Variants in SLC7A14 observed in about 807,000 individuals in gnomAD.
SLC7A14 encodes solute carrier family 7 member 14.
A neutral mutation model predicts 60.2 loss-of-function variants in SLC7A14; 37 were observed. That is an observed-to-expected ratio of 0.61 (90% CI 0.47 to 0.81). The LOEUF (loss-of-function observed/expected upper bound fraction) is 0.81. Among genes scored for constraint, SLC7A14 ranks in the 30% least tolerant of loss-of-function variants. SLC7A14 has a pLI of 0.00. For synonymous variants in SLC7A14, 399 were observed against 395.8 expected, an observed-to-expected ratio of 1.01 and a Z score of -0.10; for missense variants, 886 against 982.7, an observed-to-expected ratio of 0.90 and a Z score of 1.32.
chr3:170,502,043 A>G (rs1712625101), intron 2 of SLC7A14, among the ~76,000 whole-genome samples: 1 of 152,258 alleles, frequency 6.6e-6, no homozygotes, highest in African/African-American at 2.4e-5. Flanking sequence ...GTAAAAATGT[A>G]TAACAATGAG....
At chr3:170,510,387 C>CAAAAAAAAAAAAAAAAA (rs200708263) in intron 2 of SLC7A14, among the ~76,000 whole-genome samples, 1 of 99,136 alleles carries the variant, frequency 1.0e-5, no homozygotes, top group African/African-American at 3.9e-5. Context: ...AAGACTCTGT[C>CAAAAAAAAAAAAAAAAA]AAAAAAAAAA....
chr3:170,583,477 G>T (rs1715291679), intron 1 of SLC7A14, among the ~76,000 whole-genome samples: 1 of 152,224 alleles, frequency 6.6e-6, no homozygotes, highest in African/African-American at 2.4e-5. Context: ...AAGCAGTATG[G>T]AAGAGTATTT....
chr3:170,526,274 C>A (rs953406748), intron 2 of SLC7A14, among the ~76,000 whole-genome samples: 3 of 151,214 alleles, frequency 2.0e-5, no homozygotes, highest in African/African-American at 4.9e-5. Flanking sequence ...TGGTGGCGGG[C>A]GCCTATAATC....
Position 170,483,399 on chromosome 3 carries a change from C to A in SLC7A14, c.1030G>T (p.Ala344Ser), listed in dbSNP as rs202144632. The stretch of plus-strand genomic sequence containing the variant: ...CCCAGCAAGCTGACTGTCAGTCCTG[C>A]AACCGACCCAATGGCCACTACGAAT... ...AKFVVAIGSV[A>S]GLTVSLLGSL... The change falls in exon 6 of 8, where the codon GCA becomes TCA. Residue 344 changes from alanine to serine, a missense_variant. By Grantham distance (99) the Ala-to-Ser change is moderately conservative. Transcript: ENST00000231706. 2.1e-5 allele frequency: 34 copies of A among 1,614,220 alleles called. No homozygotes were observed. The highest frequency in any genetic ancestry group is 2.8e-5 in the Non-Finnish European group (33 of 1,180,048).
rs114286278 is a variant in SLC7A14, at chr3:170,480,749, G to T, written c.1533C>A (p.Tyr511Ter). The T allele has an allele frequency of 3.1e-6, 5 of 1,614,196 alleles. No homozygotes were observed. In the Admixed American group the frequency reaches 5.0e-5, roughly 16 times the overall value. ...TGCCTGTGGTCATGTCCACGGTGCC[G>T]TAATTGGGGTGGTTGACGTTGTAGG... ...KSTYNVNHPN[Y>*]GTVDMTTGIE... The change falls in exon 7 of 8, where the codon TAC (tyrosine) becomes TAA (stop). Residue 511 changes from tyrosine (Y) to a stop codon, truncating the protein, a stop_gained. Coordinates refer to ENST00000231706, the MANE Select transcript of SLC7A14 (RefSeq NM_020949.3). LOFTEE classifies it high-confidence loss of function.
At chr3:170,555,233 C>T (rs1167178637) in intron 1 of SLC7A14, among the ~76,000 whole-genome samples, 4 of 151,442 alleles carry the variant, frequency 2.6e-5, no homozygotes, top group African/African-American at 7.3e-5. Context: ...GTTATACATG[C>T]TCATTGTGGA....
intron 1 of SLC7A14, among the ~76,000 whole-genome samples, chr3:170,540,884 A>G (rs1052458801): frequency 6.6e-6 from 1 of 152,244 alleles, no homozygotes; most frequent in Non-Finnish European, 1.5e-5. Context: ...TGTATTCCTC[A>G]TAGAGCCAGG....
intron 1 of SLC7A14, among the ~76,000 whole-genome samples, chr3:170,562,875 C>T (rs1255909933): frequency 1.3e-5 from 2 of 152,062 alleles, no homozygotes; most frequent in Non-Finnish European, 2.9e-5. Context: ...AGTCTCATGA[C>T]TCAGCCTCCT....
chr3:170,567,963 G>T (rs1357574646), intron 1 of SLC7A14, among the ~76,000 whole-genome samples: 1 of 151,994 alleles, frequency 6.6e-6, no homozygotes, highest in Non-Finnish European at 1.5e-5. Context: ...TAGGTTGCCT[G>T]TTCATTCTGA....
At chr3:170,479,030 G>A (rs1446763147) in intron 7 of SLC7A14, among the ~76,000 whole-genome samples, 1 of 152,162 alleles carries the variant, frequency 6.6e-6, no homozygotes. Context: ...GCTGAGGCAG[G>A]AGAATTGCTT....
intron 2 of SLC7A14, among the ~76,000 whole-genome samples, chr3:170,516,595 T>G (rs1167269939): frequency 6.6e-6 from 1 of 150,644 alleles, no homozygotes; most frequent in Non-Finnish European, 1.5e-5. Context: ...ATAAAATAAA[T>G]AAATAAAGAA....
At chr3:170,536,901 C>T (rs535926760) in intron 1 of SLC7A14, among the ~76,000 whole-genome samples, 1 of 152,274 alleles carries the variant, frequency 6.6e-6, no homozygotes, top group South Asian at 2.1e-4. Flanking sequence ...AGCCTGGCAC[C>T]TTCATGCCAT....
At chr3:170,545,597 A>T (rs2108302285) in intron 1 of SLC7A14, among the ~76,000 whole-genome samples, 1 of 152,030 alleles carries the variant, frequency 6.6e-6, no homozygotes, top group Non-Finnish European at 1.5e-5. Context: ...TCTTCCTATT[A>T]TTTTTCCCTC....
intron 2 of SLC7A14, among the ~76,000 whole-genome samples, chr3:170,514,212 G>A (rs980431676): frequency 6.6e-5 from 10 of 152,278 alleles, no homozygotes; most frequent in African/African-American, 1.7e-4. Context: ...AGATGGCCTG[G>A]CACATGCAAA....
rs1267787463 is a variant in SLC7A14, at chr3:170,532,847, A to G, written c.-152-5759T>C. On this transcript the variant is annotated intron_variant, in intron 1 of 7. Coordinates refer to ENST00000231706, the MANE Select transcript of SLC7A14 (RefSeq NM_020949.3). The surrounding 1 kb of genome is among the most constrained non-coding windows in gnomAD (Gnocchi z 4.0). The stretch of plus-strand genomic sequence containing the variant: ...TGCAGCCTGTGCACCTGGTACTTCC[A>G]CTCCAAGGGATTCTTATTTACCTTT... Among the ~76,000 whole-genome samples, 1 of 151,508 alleles carries G rather than the reference A, an allele frequency of 6.6e-6. No homozygotes were observed.
chr3:170,508,828 C>T (rs141075284), intron 2 of SLC7A14, among the ~76,000 whole-genome samples: 135 of 152,304 alleles, frequency 8.9e-4, no homozygotes, highest in Middle Eastern at 3.4e-3. Context: ...AGAGAAATCA[C>T]AGGACCTCAG....
At chr3:170,569,295 T>G (rs538037072) in intron 1 of SLC7A14, among the ~76,000 whole-genome samples, 3,371 of 152,144 alleles carry the variant, frequency 0.022, 61 homozygotes, top group Non-Finnish European at 0.029. Flanking sequence ...TTGGTTCTGT[T>G]TATATGCTGG....
intron 1 of SLC7A14, among the ~76,000 whole-genome samples, chr3:170,544,121 G>C (rs1462610806): frequency 6.6e-6 from 1 of 151,990 alleles, no homozygotes; most frequent in Non-Finnish European, 1.5e-5. Flanking sequence ...AGTATTGAGC[G>C]TGCTTAATTT....
intron 2 of SLC7A14, among the ~76,000 whole-genome samples, chr3:170,507,767 A>G (rs1296205232): frequency 6.6e-6 from 1 of 152,182 alleles, no homozygotes; most frequent in Non-Finnish European, 1.5e-5. Flanking sequence ...TTTTCCACAC[A>G]CAGTCTTATT....
Sources: gnomAD v4.1 joint callset for allele counts (sites outside exome capture counted in the v4.1 genomes callset) on GRCh38, gnomAD v4.1.1 for gene constraint, Gnocchi (gnomAD v3.1) non-coding constraint, MANE v1.5 for transcripts, NCBI Gene and HGNC (gene_info 2026-07-23, HGNC 2026-07-21) for gene names.